Variants in AKT3 observed in about 807,000 individuals in gnomAD.
AKT3 encodes the protein RAC-gamma serine/threonine-protein kinase.
Under a neutral mutation model 65.3 loss-of-function variants are expected in AKT3, and 15 were observed. The ratio of observed to expected loss-of-function variants is 0.23; its 90% confidence interval spans 0.15 to 0.35. The LOEUF is 0.35. Ranked by LOEUF, AKT3 falls within the 10% of genes least tolerant of loss-of-function variation. The pLI is 1.00. For synonymous variants in AKT3, 206 were observed against 183.8 expected (o/e 1.12, Z -0.98); for missense variants, 243 against 576.5 (o/e 0.42, Z 5.92).
At chr1:243,824,481 G>C (rs1321213020) in intron 2 of AKT3, among the ~76,000 whole-genome samples, 2 of 151,966 alleles carry the variant, frequency 1.3e-5, no homozygotes, top group Non-Finnish European at 2.9e-5. Context: ...ACAATGTACA[G>C]GGAGAAAATT....
In AKT3 at chr1:243,648,276, GAAAAGA is replaced by G. The variant is rs1489656396; in HGVS notation, c.285-2245_285-2240del. Among the ~76,000 whole-genome samples the G allele has an allele frequency of 2.0e-5, 3 of 149,764 alleles. No individual in the cohort carries two copies. The East Asian group carries it at 5.9e-4, about 29-fold the overall frequency. On this transcript the variant is annotated intron_variant, in intron 4 of 13. Transcript: ENST00000673466. ...CCGTCTAAAAAAAAAAAAAAGAAAA[GAAAAGA>G]AAAAGAAAATAAAACTGTCAAATTC...
rs191896902 is a variant in AKT3, at chr1:243,664,494, G to A, written c.284+278C>T. ...GCTGGGATTACAGGCGTGAGCCACC[G>A]CGCCAGGCCAAAAATGTCTTTTTAA... On this transcript the variant is annotated intron_variant, in intron 4 of 13. Coordinates refer to ENST00000673466, the MANE Select transcript of AKT3 (RefSeq NM_005465.7). Among the ~76,000 whole-genome samples, 306 of 151,822 alleles carry A rather than the reference G, an allele frequency of 2.0e-3. 2 individuals are homozygous for A. The highest frequency in any genetic ancestry group is 6.9e-3 in the African/African-American group (285 of 41,426).
chr1:243,611,238 CT>C (rs1358676690), intron 8 of AKT3, among the ~76,000 whole-genome samples: 1 of 152,146 alleles, frequency 6.6e-6, no homozygotes, highest in Non-Finnish European at 1.5e-5. Flanking sequence ...ACTTTAAAAG[CT>C]TACGAAAAAC....
At chr1:243,659,920 A>C (rs574842753) in intron 4 of AKT3, among the ~76,000 whole-genome samples, 1 of 152,312 alleles carries the variant, frequency 6.6e-6, no homozygotes, top group South Asian at 2.1e-4. Context: ...ATGTTCATCA[A>C]GGATATTGGT....
chr1:243,645,301 T>C (rs1471211029), intron 5 of AKT3, among the ~76,000 whole-genome samples: 1 of 152,230 alleles, frequency 6.6e-6, no homozygotes, highest in Non-Finnish European at 1.5e-5. Flanking sequence ...AGGAAATTGC[T>C]TTTCAATTTT....
intron 2 of AKT3, among the ~76,000 whole-genome samples, chr1:243,755,406 C>A (rs895371403): frequency 1.3e-5 from 2 of 151,970 alleles, no homozygotes; most frequent in African/African-American, 4.8e-5. Flanking sequence ...CTCCTTCTTA[C>A]TCCTTGCCTG....
intron 2 of AKT3, among the ~76,000 whole-genome samples, chr1:243,702,408 T>C (rs1181223016): frequency 1.3e-5 from 2 of 152,162 alleles, no homozygotes; most frequent in Non-Finnish European, 2.9e-5. Context: ...TGCATGAACC[T>C]AACCTCTTTA....
Position 243,622,598 on chromosome 1 carries a change from T to G in AKT3, c.562-7437A>C, listed in dbSNP as rs568493446. Among the ~76,000 whole-genome samples the G allele has an allele frequency of 1.6e-4, 25 of 152,286 alleles. No homozygotes were observed. The South Asian group carries it at 4.1e-3, about 25-fold the overall frequency. On this transcript the variant is annotated intron_variant, in intron 6 of 13. Coordinates refer to ENST00000673466, the MANE Select transcript of AKT3 (RefSeq NM_005465.7). ...TATATTTATTGAAATAATGAGTGAA[T>G]GAACTAGTAAATAACGAATAACCTT...
chr1:243,732,829 T>A (rs1263056312), intron 2 of AKT3, among the ~76,000 whole-genome samples: 1 of 152,150 alleles, frequency 6.6e-6, no homozygotes, highest in Non-Finnish European at 1.5e-5. Context: ...AGACTGCAAA[T>A]TTATTGAGAG....
In AKT3 at chr1:243,596,628, A is replaced by T. The variant is rs150347579; in HGVS notation, c.696+17043T>A. On this transcript the variant is annotated intron_variant, in intron 8 of 13. Coordinates refer to ENST00000673466, the MANE Select transcript of AKT3 (RefSeq NM_005465.7). ...GCAGAACACCTAAAATTCTCATTACATTAATGCTGAGACTGTAAAATGACA... is the reference window on the plus strand; with the variant it reads ...GCAGAACACCTAAAATTCTCATTACTTTAATGCTGAGACTGTAAAATGACA... Among the ~76,000 whole-genome samples the T allele has an allele frequency of 3.6e-4, 55 of 152,342 alleles. 1 individual carries two copies. Among genetic ancestry groups the T allele is most frequent in the African/African-American group, 1.2e-3 (51 of 41,570 alleles).
chr1:243,499,884 G>A lies in AKT3; in HGVS notation c.*5365C>T, dbSNP rs577274111. On this transcript the variant is annotated 3_prime_UTR_variant, in exon 14 of 14. Coordinates refer to ENST00000673466, the MANE Select transcript of AKT3 (RefSeq NM_005465.7). The stretch of plus-strand genomic sequence containing the variant: ...CACAACGCACCACGACCTTCCCAGG[G>A]TGACACCGCCTCAGCCTGCAGTGGG... 8 of 1,161,148 alleles carry A rather than the reference G, an allele frequency of 6.9e-6. No individual in the cohort carries two copies. Among genetic ancestry groups the A allele is most frequent in the Non-Finnish European group, 1.0e-5 (8 of 786,170 alleles). 71.9% of individuals were successfully genotyped at this position (1,161,148 alleles called of 1,614,324 possible).
chr1:243,705,724 T>C (rs1445822589), intron 2 of AKT3, among the ~76,000 whole-genome samples: 3 of 152,106 alleles, frequency 2.0e-5, no homozygotes, highest in Non-Finnish European at 4.4e-5. Context: ...GTGACTTTAG[T>C]TTACATAGCA....
At chr1:243,594,724 C>T (rs1676475134) in intron 8 of AKT3, among the ~76,000 whole-genome samples, 1 of 152,086 alleles carries the variant, frequency 6.6e-6, no homozygotes, top group Non-Finnish European at 1.5e-5. Context: ...CTGCCTTGCA[C>T]CACCAGTCCA....
chr1:243,774,557 T>C (rs1334015640), intron 2 of AKT3, among the ~76,000 whole-genome samples: 36 of 152,152 alleles, frequency 2.4e-4, no homozygotes, highest in Admixed American at 2.0e-3. Flanking sequence ...ACAAGTAAAA[T>C]AGTATTTATT....
chr1:243,773,183 TA>T (rs1341438497), intron 2 of AKT3, among the ~76,000 whole-genome samples: 1 of 147,872 alleles, frequency 6.8e-6, no homozygotes, highest in Non-Finnish European at 1.5e-5. Flanking sequence ...ACTTAAAGTA[TA>T]ATAAAAACAT....
At chr1:243,625,784 GT>G (rs1266584088) in intron 6 of AKT3, among the ~76,000 whole-genome samples, 3 of 152,172 alleles carry the variant, frequency 2.0e-5, no homozygotes, top group Admixed American at 6.5e-5. Context: ...GATTCTGAAT[GT>G]TGCAGAATGA....
intron 3 of AKT3, among the ~76,000 whole-genome samples, chr1:243,690,689 A>G (rs1027754713): frequency 1.4e-5 from 2 of 148,076 alleles, no homozygotes; most frequent in African/African-American, 5.0e-5. Context: ...GGGGCCCCAA[A>G]TCAGGTCTCA....
intron 13 of AKT3, among the ~76,000 whole-genome samples, chr1:243,511,604 C>T (rs1424931269): frequency 6.6e-6 from 1 of 152,178 alleles, no homozygotes; most frequent in African/African-American, 2.4e-5. Context: ...AAATATTGCC[C>T]TGAAACGCAA....
intron 6 of AKT3, chr1:243,624,730 T>C: frequency 5.0e-6 from 1 of 198,528 alleles, no homozygotes; most frequent in South Asian, 1.1e-4. Flanking sequence ...TTCACCATAC[T>C]TAATTTCTCT....
Sources: gnomAD v4.1 joint callset for allele counts (sites outside exome capture counted in the v4.1 genomes callset) on GRCh38, gnomAD v4.1.1 for gene constraint, MANE v1.5 for transcripts, NCBI Gene and HGNC (gene_info 2026-07-23, HGNC 2026-07-21) for gene names.